SOX5: variants seen among roughly 807,000 people sequenced by gnomAD.
The protein encoded by SOX5 is transcription factor SOX-5.
Under a neutral mutation model 92.0 loss-of-function variants are expected in SOX5, and 9 were observed. The ratio of observed to expected loss-of-function variants is 0.10; its 90% CI spans 0.06 to 0.17. SOX5 has a LOEUF of 0.17. Ranked by LOEUF, SOX5 falls within the 10% of genes least tolerant of loss-of-function variation. The pLI is 1.00. For missense variants in SOX5, 642 were observed against 944.5 expected, an observed-to-expected ratio of 0.68 and a Z score of 4.20; for synonymous variants, 344 against 336.3, an observed-to-expected ratio of 1.02 and a Z score of -0.25.
At chr12:23,820,581 A>C (rs894471470) in intron 3 of SOX5, among the ~76,000 whole-genome samples, 7 of 152,214 alleles carry the variant, frequency 4.6e-5, no homozygotes, top group Non-Finnish European at 8.8e-5. Flanking sequence ...TCTTTAATCC[A>C]TCTTGAGTTA....
At chr12:24,018,799 A>G (rs1294333552) in intron 4 of SOX5, among the ~76,000 whole-genome samples, 6 of 151,994 alleles carry the variant, frequency 3.9e-5, no homozygotes, top group Non-Finnish European at 8.8e-5. Context: ...CTCTGTCTGG[A>G]AAAAAAATAA....
chr12:23,618,485 A>T (rs1327550067), intron 8 of SOX5, among the ~76,000 whole-genome samples: 2 of 152,162 alleles, frequency 1.3e-5, no homozygotes, highest in African/African-American at 4.8e-5. Context: ...ATTAAATCAG[A>T]CTACATATTA....
At chr12:23,746,300 G>A (rs1349214723) in intron 4 of SOX5, among the ~76,000 whole-genome samples, 1 of 151,940 alleles carries the variant, frequency 6.6e-6, no homozygotes, top group East Asian at 1.9e-4. Context: ...TACTCCAGAG[G>A]CCTCCCAGCA....
chr12:24,093,517 C>T (rs562405197), intron 4 of SOX5, among the ~76,000 whole-genome samples: 25 of 146,880 alleles, frequency 1.7e-4, no homozygotes, highest in African/African-American at 2.8e-4. Flanking sequence ...GGCAAGACTC[C>T]GTCTCAAAAA....
intron 4 of SOX5, among the ~76,000 whole-genome samples, chr12:24,118,018 CAA>C (rs964710930): frequency 1.7e-4 from 7 of 41,812 alleles, no homozygotes; most frequent in Non-Finnish European, 2.2e-4. Flanking sequence ...GACTCTCATT[CAA>C]AAAAAAAAAA....
intron 1 of SOX5, among the ~76,000 whole-genome samples, chr12:23,913,002 T>C (rs191518813): frequency 6.6e-6 from 1 of 152,282 alleles, no homozygotes; most frequent in Non-Finnish European, 1.5e-5. Context: ...TGAATTATAT[T>C]TCAATAAAGC....
chr12:24,005,449 G>A (rs895851899), intron 4 of SOX5, among the ~76,000 whole-genome samples: 1 of 152,112 alleles, frequency 6.6e-6, no homozygotes, highest in African/African-American at 2.4e-5. Context: ...CAAGTTGTAT[G>A]CTATCATGTT....
intron 6 of SOX5, among the ~76,000 whole-genome samples, chr12:23,719,799 A>AC (rs930324969): frequency 6.7e-6 from 1 of 149,006 alleles, no homozygotes; most frequent in African/African-American, 2.4e-5. Flanking sequence ...AAAAAAAAAA[A>AC]AAAAAAAAAA....
chr12:24,092,978 C>T (rs1328603511), intron 4 of SOX5, among the ~76,000 whole-genome samples: 4 of 151,920 alleles, frequency 2.6e-5, no homozygotes. Context: ...GGTGAGCGGC[C>T]CCAAGGATCC....
At chr12:24,015,226 T>A (rs1953456942) in intron 4 of SOX5, among the ~76,000 whole-genome samples, 1 of 152,064 alleles carries the variant, frequency 6.6e-6, no homozygotes, top group Non-Finnish European at 1.5e-5. Context: ...ACCAGATTAA[T>A]CTCCTTTTTC....
chr12:23,603,709 T>C (rs2074869219), intron 9 of SOX5, among the ~76,000 whole-genome samples: 1 of 152,028 alleles, frequency 6.6e-6, no homozygotes. Context: ...ATTTGACTTT[T>C]CCCTGATCCT....
intron 4 of SOX5, among the ~76,000 whole-genome samples, chr12:24,094,233 C>T (rs1330876825): frequency 1.3e-5 from 2 of 152,194 alleles, no homozygotes; most frequent in African/African-American, 4.8e-5. Flanking sequence ...AGGCATGAGC[C>T]ACCACACCCA....
chr12:23,987,976 A>G (rs1363615445), intron 4 of SOX5, among the ~76,000 whole-genome samples: 1 of 152,234 alleles, frequency 6.6e-6, no homozygotes, highest in Non-Finnish European at 1.5e-5. Context: ...TTAAAATATT[A>G]TAGTAATCCA....
intron 4 of SOX5, among the ~76,000 whole-genome samples, chr12:24,127,684 C>T (rs1949243574): frequency 6.6e-6 from 1 of 152,072 alleles, no homozygotes; most frequent in African/African-American, 2.4e-5. Context: ...CTTAGTGTGC[C>T]TCCCCAGTGA....
rs891541273 is a variant in SOX5 at position 24,323,051 on chromosome 12, T to C, written c.-174+45512A>G. ...ACAGCCCTTATCTAAGTGTGGTCTCTGGTCCAGCAGCATCAGTATTATCTG... is the reference window on the plus strand; with the variant it reads ...ACAGCCCTTATCTAAGTGTGGTCTCCGGTCCAGCAGCATCAGTATTATCTG... On this transcript the variant is annotated intron_variant, in intron 2 of 4. Transcript: ENST00000446891. Among the ~76,000 whole-genome samples, 46 of 152,026 alleles carry C rather than the reference T, an allele frequency of 3.0e-4. 1 individual carries two copies. Among genetic ancestry groups the C allele is most frequent in the Middle Eastern group, 3.2e-3 (1 of 316 alleles).
At chr12:23,950,971 ACGCATG>A, upstream of SOX5, 2 of 894,252 alleles carry the variant, frequency 2.2e-6, no homozygotes, top group Non-Finnish European at 1.7e-6. Context: ...TTCTTCACAC[ACGCATG>A]CACACACACA....
chr12:24,505,874 C>CGCGCGCGTGTGTGTGTGT (rs368183832), intron 1 of SOX5, among the ~76,000 whole-genome samples: 2,266 of 148,118 alleles, frequency 0.015, 23 homozygotes, highest in Middle Eastern at 0.034. Flanking sequence ...TGTGTGTGTG[C>CGCGCGCGTGTGTGTGTGT]GCATCACTGC....
intron 7 of SOX5, among the ~76,000 whole-genome samples, chr12:23,645,592 A>G (rs1298325633): frequency 6.6e-6 from 1 of 152,220 alleles, no homozygotes; most frequent in Non-Finnish European, 1.5e-5. Flanking sequence ...TGTTTGGGAC[A>G]CTTTTGCATT....
intron 3 of SOX5, among the ~76,000 whole-genome samples, chr12:23,795,636 C>T (rs1467038906): frequency 4.0e-5 from 6 of 151,846 alleles, no homozygotes; most frequent in East Asian, 3.9e-4. Flanking sequence ...TCAAATAATC[C>T]GGGAAAACAG....
Sources: allele counts gnomAD v4.1 joint callset (sites outside exome capture counted in the v4.1 genomes callset), GRCh38; gene constraint gnomAD v4.1.1; transcripts MANE v1.5; gene names NCBI Gene and HGNC (gene_info 2026-07-23, HGNC 2026-07-21).